The following CLEC2D variants were observed in gnomAD, a reference collection of about 807,000 sequenced individuals.
CLEC2D encodes C-type lectin related f.
A neutral mutation model predicts 20.0 loss-of-function variants in CLEC2D; 16 were observed. That is an observed-to-expected ratio of 0.80 (90% CI 0.54 to 1.22). CLEC2D has a LOEUF of 1.22. CLEC2D is among the 50% of genes most tolerant of loss of function. The probability of loss-of-function intolerance (pLI) is 0.00; values close to 1 mark genes in which losing one functional copy is unlikely to be tolerated. For synonymous variants in CLEC2D, 77 were observed against 71.1 expected (o/e 1.08, Z -0.42); for missense variants, 207 against 221.5 (o/e 0.93, Z 0.42).
chr12:9,694,984 G>A lies in CLEC2D; in HGVS notation c.*110G>A, dbSNP rs1341475060. The stretch of plus-strand genomic sequence containing the variant: ...TATACCAACAGGTATATGAAAATAT[G>A]CTCAATATCACTAATAACTGGGAAA... On this transcript the variant is annotated 3_prime_UTR_variant, in exon 5 of 5. Transcript: ENST00000290855. The A allele has an allele frequency of 1.6e-6, 1 of 641,426 alleles. No individual in the cohort carries two copies. The highest frequency in any genetic ancestry group is 2.8e-6 in the Non-Finnish European group (1 of 356,380). The allele number at this position is 641,426 out of a possible 1,614,324, so 39.7% of individuals were successfully genotyped here. A position where few individuals can be genotyped will look rare whatever the true frequency, so the allele number is the denominator to read the frequency against.
intron 1 of CLEC2D, among the ~76,000 whole-genome samples, chr12:9,670,579 C>T (rs901867628): frequency 4.6e-5 from 7 of 152,176 alleles, no homozygotes; most frequent in African/African-American, 1.7e-4. Context: ...TCCTCCTTGG[C>T]TTGTGTTTTC....
At chr12:9,686,677 T>A (rs2120950189) in intron 2 of CLEC2D, among the ~76,000 whole-genome samples, 1 of 152,284 alleles carries the variant, frequency 6.6e-6, no homozygotes, top group South Asian at 2.1e-4. Flanking sequence ...GGTGGTTATA[T>A]AATAGAAGAT....
chr12:9,688,303 AG>A (rs1338994418), intron 3 of CLEC2D: 1 of 905,502 alleles, frequency 1.1e-6, no homozygotes, highest in Non-Finnish European at 1.4e-6. Context: ...ACAGGCCCAG[AG>A]GGCAAGCAAG....
intron 1 of CLEC2D, among the ~76,000 whole-genome samples, chr12:9,674,921 T>C (rs1258152090): frequency 6.6e-6 from 1 of 152,200 alleles, no homozygotes; most frequent in Non-Finnish European, 1.5e-5. Context: ...TATATTATCT[T>C]CTACGAGTTT....
chr12:9,670,234 TTAG>T (rs1219871698), intron 1 of CLEC2D, among the ~76,000 whole-genome samples: 1 of 152,234 alleles, frequency 6.6e-6, no homozygotes. Flanking sequence ...GAGTAGAAAC[TTAG>T]TAGGGCATTC....
intron 3 of CLEC2D, among the ~76,000 whole-genome samples, chr12:9,690,086 CAGAG>C (rs150576404): frequency 1.3e-5 from 2 of 151,992 alleles, no homozygotes; most frequent in African/African-American, 4.8e-5. Flanking sequence ...ACAAAATCCA[CAGAG>C]AGAATTTTGA....
In CLEC2D at chr12:9,671,697, A is replaced by T. The variant is rs766049417; in HGVS notation, c.61+1902A>T. Among the ~76,000 whole-genome samples, 8 of 152,288 alleles carry T rather than the reference A, an allele frequency of 5.3e-5. No individual in the cohort carries two copies. The East Asian group carries it at 1.5e-3, about 29-fold the overall frequency. ...AGTTTGCTTTTCTGTTCCTCAGACC[A>T]TACCTCTAGTGCTTCTCCTGGAGCC... On this transcript the variant is annotated intron_variant, in intron 1 of 4. Coordinates refer to ENST00000290855, the MANE Select transcript of CLEC2D (RefSeq NM_013269.6).
At chr12:9,677,818 G>A (rs959141209) in intron 1 of CLEC2D, among the ~76,000 whole-genome samples, 1 of 150,566 alleles carries the variant, frequency 6.6e-6, no homozygotes, top group African/African-American at 2.4e-5. Context: ...ACTGCTTCCC[G>A]AGTTCAAGCA....
intron 1 of CLEC2D, among the ~76,000 whole-genome samples, chr12:9,676,735 T>C (rs1418113870): frequency 1.3e-5 from 2 of 152,226 alleles, no homozygotes; most frequent in African/African-American, 4.8e-5. Context: ...AAACAAATTA[T>C]AGACAATTGG....
chr12:9,683,233 G>A (rs1865674360), intron 2 of CLEC2D, among the ~76,000 whole-genome samples: 1 of 151,164 alleles, frequency 6.6e-6, no homozygotes, highest in South Asian at 2.1e-4. Flanking sequence ...GTTCCTTGTA[G>A]ATTCTAGATA....
chr12:9,675,538 G>C (rs550611456), intron 1 of CLEC2D, among the ~76,000 whole-genome samples: 25 of 152,236 alleles, frequency 1.6e-4, no homozygotes, highest in Non-Finnish European at 3.1e-4. Flanking sequence ...CTTGATTACT[G>C]TAGTTTTAGA....
intron 1 of CLEC2D, among the ~76,000 whole-genome samples, 163 bp downstream of exon 1, chr12:9,669,958 C>T (rs1247799698): frequency 6.6e-6 from 1 of 151,872 alleles, no homozygotes; most frequent in African/African-American, 2.4e-5. Flanking sequence ...GTAAAACATG[C>T]ATATATTTAT....
rs951233043 is a variant in CLEC2D at position 9,697,133 on chromosome 12, T to C, written c.*2259T>C. 6.6e-6 allele frequency: 1 copy of C among 151,976 alleles called. No individual in the cohort carries two copies. Among genetic ancestry groups the C allele is most frequent in the Non-Finnish European group, 1.5e-5 (1 of 68,012 alleles). The allele number at this position is 151,976 out of a possible 1,614,324, so 9.4% of individuals were successfully genotyped here. A position where few individuals can be genotyped will look rare whatever the true frequency, so the allele number is the denominator to read the frequency against. On this transcript the variant is annotated 3_prime_UTR_variant, in exon 5 of 5. Transcript: ENST00000290855. The stretch of plus-strand genomic sequence containing the variant: ...AGCCCCCCAAAATCTGGCCATAAAC[T>C]CACCCCAAAACTGGCCATAAACAAA...
rs1053596195 is a variant in CLEC2D, at chr12:9,696,286, C to G, written c.*1412C>G. 1.1e-5 allele frequency: 8 copies of G among 709,430 alleles called. No homozygotes were observed. The African/African-American group carries it at 1.2e-4, about 11-fold the overall frequency. The allele number at this position is 709,430 out of a possible 1,614,324, so 43.9% of individuals were successfully genotyped here. A position where few individuals can be genotyped will look rare whatever the true frequency, so the allele number is the denominator to read the frequency against. On this transcript the variant is annotated 3_prime_UTR_variant, in exon 5 of 5. Coordinates refer to ENST00000290855, the MANE Select transcript of CLEC2D (RefSeq NM_013269.6). ...TTTCCATCTTATTTCATTTCTGTAA[C>G]AGTTGATATCTGGCTGTCCTTTTTA... is the stretch of plus-strand genomic sequence containing the variant.
intron 1 of CLEC2D, among the ~76,000 whole-genome samples, chr12:9,677,432 AT>A (rs1865541806): frequency 6.6e-6 from 1 of 151,846 alleles, no homozygotes; most frequent in African/African-American, 2.4e-5. Context: ...GGATTTTAAA[AT>A]TTTCTTTCTG....
chr12:9,695,591 G>C lies in CLEC2D; in HGVS notation c.*717G>C. 6.5e-7 allele frequency: 1 copy of C among 1,539,220 alleles called. No individual in the cohort carries two copies. Among genetic ancestry groups the C allele is most frequent in the South Asian group, 1.1e-5 (1 of 89,812 alleles). Reference sequence around the variant, plus strand: ...GCAGAGGCCATGAATGACGAAGGCAGTCCAATTAAAGTAACACTGGCAACT... The same window carrying C: ...GCAGAGGCCATGAATGACGAAGGCACTCCAATTAAAGTAACACTGGCAACT... On this transcript the variant is annotated 3_prime_UTR_variant, in exon 5 of 5. Coordinates refer to ENST00000290855, the MANE Select transcript of CLEC2D (RefSeq NM_013269.6).
At chr12:9,694,735 A>G (rs756965012) in intron 4 of CLEC2D, 25 bp from the exon 5 acceptor site, 4 of 1,302,304 alleles carry the variant, frequency 3.1e-6, no homozygotes, top group Admixed American at 3.4e-5. Context: ...TCAGTGGCCA[A>G]CTGATTCTGC....
intron 1 of CLEC2D, among the ~76,000 whole-genome samples, chr12:9,673,487 G>C (rs2120891572): frequency 6.6e-6 from 1 of 152,376 alleles, no homozygotes; most frequent in South Asian, 2.1e-4. Context: ...TCTGTATGAG[G>C]TGTCTGGTGA....
In CLEC2D at chr12:9,694,913, T is replaced by G. The variant is rs1382337700; in HGVS notation, c.*39T>G. 9.6e-7 allele frequency: 1 copy of G among 1,041,288 alleles called. No individual in the cohort carries two copies. The highest frequency in any genetic ancestry group is 1.5e-6 in the Non-Finnish European group (1 of 661,084). The allele number at this position is 1,041,288 out of a possible 1,614,324, so 64.5% of individuals were successfully genotyped here. ...GCCCCAACTAATCTTTAGAAGCATA[T>G]TGGAACTGATAACTCCATTTTAAAA... On this transcript the variant is annotated 3_prime_UTR_variant, in exon 5 of 5. Transcript: ENST00000290855.
Sources: allele counts gnomAD v4.1 joint callset (sites outside exome capture counted in the v4.1 genomes callset), GRCh38; gene constraint gnomAD v4.1.1; transcripts MANE v1.5; gene names NCBI Gene and HGNC (gene_info 2026-07-23, HGNC 2026-07-21).